Variants in TMC1 observed in about 807,000 individuals in gnomAD.
TMC1 encodes transmembrane channel-like protein 1.
TMC1 carries 84 observed loss-of-function variants against 105.8 expected under a neutral mutation model. The observed-to-expected ratio is 0.79, with a 90% CI of 0.67 to 0.95. TMC1 has a LOEUF of 0.95. TMC1 is among the 40% of genes least tolerant of loss of function. The probability of loss-of-function intolerance (pLI) is 0.00; values close to 1 mark genes in which losing one functional copy is unlikely to be tolerated. For missense variants in TMC1, 817 were observed against 914.1 expected, an observed-to-expected ratio of 0.89 and a Z score of 1.37; for synonymous variants, 315 against 311.5, an observed-to-expected ratio of 1.01 and a Z score of -0.12.
At chr9:72,628,170 C>G in intron 4 of TMC1, 107 bp downstream of exon 4, 1 of 425,490 alleles carries the variant, frequency 2.4e-6, no homozygotes, top group South Asian at 1.7e-5. Context: ...TGGGATTGTA[C>G]AGAATGAGGC....
At chr9:72,579,831 G>A (rs1315045070) in intron 2 of TMC1, among the ~76,000 whole-genome samples, 1 of 152,120 alleles carries the variant, frequency 6.6e-6, no homozygotes, top group Non-Finnish European at 1.5e-5. Flanking sequence ...AGACCAGCCT[G>A]GGCAACATGG....
At chr9:72,806,538 C>T (rs1828593552) in intron 18 of TMC1, among the ~76,000 whole-genome samples, 1 of 149,510 alleles carries the variant, frequency 6.7e-6, no homozygotes, top group African/African-American at 2.5e-5. Context: ...CTCCTCACTT[C>T]TCAGACGGGG....
chr9:72,542,598 G>A (rs1823697284), intron 1 of TMC1, among the ~76,000 whole-genome samples: 1 of 151,866 alleles, frequency 6.6e-6, no homozygotes, highest in African/African-American at 2.4e-5. Flanking sequence ...CCAGCCTAGG[G>A]GGGAGAAAAA....
chr9:72,794,532 C>A (rs747667227), intron 17 of TMC1, among the ~76,000 whole-genome samples: 3 of 152,164 alleles, frequency 2.0e-5, no homozygotes, highest in East Asian at 1.9e-4. Context: ...TAACATACCC[C>A]CCTCTGAAAC....
At chr9:72,692,859 C>T (rs1826488569) in intron 6 of TMC1, among the ~76,000 whole-genome samples, 1 of 152,122 alleles carries the variant, frequency 6.6e-6, no homozygotes, top group Admixed American at 6.5e-5. Context: ...TACCTCACAC[C>T]TGTAATCCCA....
intron 8 of TMC1, among the ~76,000 whole-genome samples, chr9:72,710,167 T>G (rs573467268): frequency 6.6e-6 from 1 of 152,286 alleles, no homozygotes; most frequent in East Asian, 1.9e-4. Flanking sequence ...ATTGGAGGAT[T>G]TCTTTTGATT....
At chr9:72,834,803 C>T (rs771946551) in intron 23 of TMC1, among the ~76,000 whole-genome samples, 5 of 152,020 alleles carry the variant, frequency 3.3e-5, no homozygotes, top group Admixed American at 6.5e-5. Context: ...CAAGTGAAGC[C>T]GATCTCAGAC....
intron 8 of TMC1, among the ~76,000 whole-genome samples, chr9:72,717,052 G>A (rs113020212): frequency 7.9e-5 from 12 of 152,294 alleles, no homozygotes; most frequent in South Asian, 2.1e-4. Flanking sequence ...GTGAGGCAAC[G>A]CCCCACCCTA....
In TMC1 at chr9:72,617,257, G is replaced by T. The variant is rs576868339; in HGVS notation, c.-196+780G>T. On this transcript the variant is annotated intron_variant, in intron 3 of 23. Coordinates refer to ENST00000297784, the MANE Select transcript of TMC1 (RefSeq NM_138691.3). ...GCTCACTGAAACCTCTGCCTCCTGGGTTTAAATGATTCTCCTGCTTCAGCC... is the reference window on the plus strand; with the variant it reads ...GCTCACTGAAACCTCTGCCTCCTGGTTTTAAATGATTCTCCTGCTTCAGCC... 1.2e-4 allele frequency among the ~76,000 whole-genome samples: 19 copies of T among 152,196 alleles called. No individual in the cohort carries two copies. In the South Asian group the frequency reaches 3.8e-3, roughly 30 times the overall value.
At chr9:72,656,548 T>C (rs960430391) in intron 5 of TMC1, among the ~76,000 whole-genome samples, 1 of 152,210 alleles carries the variant, frequency 6.6e-6, no homozygotes, top group South Asian at 2.1e-4. Context: ...ATTGTTTTAC[T>C]GTTGTTATCT....
At chr9:72,819,258 G>A (rs745568625) in intron 19 of TMC1, among the ~76,000 whole-genome samples, 5 of 152,198 alleles carry the variant, frequency 3.3e-5, no homozygotes, top group Non-Finnish European at 5.9e-5. Context: ...CTACCCAGCA[G>A]TAAGGACCTA....
intron 5 of TMC1, among the ~76,000 whole-genome samples, chr9:72,684,904 T>C (rs888409056): frequency 7.9e-5 from 12 of 152,100 alleles, no homozygotes; most frequent in African/African-American, 2.9e-4. Flanking sequence ...CTGATTAACA[T>C]CCCTATCAAG....
intron 8 of TMC1, among the ~76,000 whole-genome samples, chr9:72,725,370 T>C (rs1292747374): frequency 1.7e-4 from 14 of 80,054 alleles, no homozygotes; most frequent in Admixed American, 7.0e-4. Flanking sequence ...TATATATATG[T>C]ATATACACAC....
At chr9:72,759,776 C>T (rs977112208) in intron 12 of TMC1, among the ~76,000 whole-genome samples, 6 of 152,162 alleles carry the variant, frequency 3.9e-5, no homozygotes, top group African/African-American at 1.4e-4. Flanking sequence ...TATAAAGTTA[C>T]AGAAATTTTG....
At chr9:72,835,238 T>G (rs1277187148) in intron 23 of TMC1, among the ~76,000 whole-genome samples, 1 of 152,218 alleles carries the variant, frequency 6.6e-6, no homozygotes, top group Non-Finnish European at 1.5e-5. Flanking sequence ...GGCAAACCTT[T>G]GTATTTCCTA....
chr9:72,619,823 T>A (rs1192116407), intron 3 of TMC1, among the ~76,000 whole-genome samples: 1 of 151,120 alleles, frequency 6.6e-6, no homozygotes, highest in African/African-American at 2.4e-5. Context: ...ATTAATTAAT[T>A]AATTAATTAA....
intron 4 of TMC1, among the ~76,000 whole-genome samples, chr9:72,629,659 G>A (rs1400520014): frequency 1.3e-5 from 2 of 152,020 alleles, no homozygotes; most frequent in Non-Finnish European, 2.9e-5. Flanking sequence ...CAAAATCAAA[G>A]GCTTGAGAGC....
intron 15 of TMC1, among the ~76,000 whole-genome samples, chr9:72,791,359 T>C (rs937417173): frequency 2.6e-5 from 4 of 152,216 alleles, no homozygotes; most frequent in Admixed American, 6.5e-5. Context: ...ACTCATTGTA[T>C]GTGTTTATGT....
intron 9 of TMC1, chr9:72,741,333 C>A: frequency 2.9e-6 from 1 of 349,824 alleles, no homozygotes; most frequent in Non-Finnish European, 5.3e-6. Context: ...CTTAACCTTC[C>A]TTTTCTTATG....
Sources: gnomAD v4.1 joint callset for allele counts (sites outside exome capture counted in the v4.1 genomes callset) on GRCh38, gnomAD v4.1.1 for gene constraint, MANE v1.5 for transcripts, NCBI Gene and HGNC (gene_info 2026-07-23, HGNC 2026-07-21) for gene names.